The following ZFHX3 variants were observed in gnomAD, a reference collection of about 807,000 sequenced individuals.
The protein encoded by ZFHX3 is zinc finger homeobox 3, also known as zinc finger homeobox protein 3.
In ZFHX3, 42 loss-of-function variants were observed where a neutral mutation model predicts 279.1. The observed-to-expected ratio is 0.15, with a 90% confidence interval of 0.12 to 0.19. The LOEUF (loss-of-function observed/expected upper bound fraction) is 0.19, where lower values mean the gene tolerates loss of function less well. Among genes scored for constraint, ZFHX3 ranks in the 10% least tolerant of loss-of-function variants. ZFHX3 has a pLI of 1.00. For synonymous variants in ZFHX3, 2,293 were observed against 1,957.8 expected (o/e 1.17, Z -4.52); for missense variants, 4,981 against 4,754.0 (o/e 1.05, Z -1.40).
chr16:73,509,408 T>A (rs751799586), intron 2 of ZFHX3, among the ~76,000 whole-genome samples: 2 of 152,030 alleles, frequency 1.3e-5, no homozygotes, highest in African/African-American at 4.8e-5. Context: ...CTGGCCTTTT[T>A]GTATAAAAGT....
At chr16:73,439,221 G>A (rs144333033) in intron 3 of ZFHX3, among the ~76,000 whole-genome samples, 135 of 152,328 alleles carry the variant, frequency 8.9e-4, no homozygotes, top group African/African-American at 3.1e-3. Context: ...TCAGCCGGCA[G>A]AAGGGTGATG....
intron 5 of ZFHX3, among the ~76,000 whole-genome samples, chr16:73,200,941 G>A (rs1466521198): frequency 6.6e-6 from 1 of 152,130 alleles, no homozygotes; most frequent in East Asian, 1.9e-4. Flanking sequence ...TGAGATAATT[G>A]TAATGAACAT....
chr16:73,579,895 A>C (rs2143821590), intron 2 of ZFHX3, among the ~76,000 whole-genome samples: 1 of 139,198 alleles, frequency 7.2e-6, no homozygotes, highest in East Asian at 2.0e-4. Flanking sequence ...CATATAATGT[A>C]TTAATATAAT....
At chr16:72,825,505 G>T (rs2036908772) in intron 5 of ZFHX3, among the ~76,000 whole-genome samples, 1 of 152,228 alleles carries the variant, frequency 6.6e-6, no homozygotes. Flanking sequence ...TTTTGGCGAT[G>T]TGCTAGAGAT....
intron 3 of ZFHX3, among the ~76,000 whole-genome samples, chr16:73,365,358 A>G (rs949417931): frequency 1.3e-5 from 2 of 152,208 alleles, no homozygotes; most frequent in Admixed American, 1.3e-4. Context: ...TTATTCATTC[A>G]ACAAATATTT....
At chr16:73,127,035 G>A (rs761517472) in intron 7 of ZFHX3, 11 of 206,272 alleles carry the variant, frequency 5.3e-5, no homozygotes, top group African/African-American at 7.0e-5. Flanking sequence ...CATGCAGTGC[G>A]TGGATCTTGA....
rs1230501568 is a variant in ZFHX3, at chr16:73,490,381, A to T, written c.-1546-34123T>A. Among the ~76,000 whole-genome samples the T allele has an allele frequency of 2.0e-5, 3 of 152,222 alleles. No homozygotes were observed. The East Asian group carries it at 5.8e-4, about 29-fold the overall frequency. On this transcript the variant is annotated intron_variant, in intron 2 of 17. Coordinates refer to the ZFHX3 transcript ENST00000641206. ...GAAAACGTTTTAATGGCATAAAAAT[A>T]TTCTCTCATTGTTCATGCTACTAAA...
At chr16:73,323,561 A>C (rs1488292537) in intron 3 of ZFHX3, among the ~76,000 whole-genome samples, 1 of 152,238 alleles carries the variant, frequency 6.6e-6, no homozygotes, top group Non-Finnish European at 1.5e-5. Context: ...GAGAAGTTGG[A>C]CCAAGATATG....
At chr16:73,103,886 G>A (rs1224523168) in intron 7 of ZFHX3, among the ~76,000 whole-genome samples, 4 of 152,178 alleles carry the variant, frequency 2.6e-5, no homozygotes, top group East Asian at 1.9e-4. Context: ...TGGCAGATAC[G>A]GTGGGAAATA....
intron 3 of ZFHX3, among the ~76,000 whole-genome samples, chr16:72,948,974 C>T (rs77088973): frequency 0.031 from 4,672 of 152,196 alleles, 158 homozygotes; most frequent in East Asian, 0.11. Flanking sequence ...GGATTGGATG[C>T]GTGGTGTCCA....
At chr16:73,229,671 T>G (rs985976961) in intron 5 of ZFHX3, among the ~76,000 whole-genome samples, 5 of 152,318 alleles carry the variant, frequency 3.3e-5, no homozygotes, top group Non-Finnish European at 5.9e-5. Context: ...AACTCATGCT[T>G]TTATTCAGTA....
rs150238979 is a variant in ZFHX3, at chr16:73,265,649, G to A, written c.-1193-8513C>T. On this transcript the variant is annotated intron_variant, in intron 4 of 17. Transcript: ENST00000641206. ...GAGGAATGAGGAAATCTGTGTCATC[G>A]CCTGGAAATTCTGGTCCATGACCTC... 2.0e-5 allele frequency among the ~76,000 whole-genome samples: 3 copies of A among 152,214 alleles called. No individual in the cohort carries two copies. In the East Asian group the frequency reaches 5.8e-4, roughly 29 times the overall value.
intron 1 of ZFHX3, among the ~76,000 whole-genome samples, chr16:73,758,687 G>T (rs2053835115): frequency 1.3e-5 from 2 of 152,286 alleles, no homozygotes; most frequent in African/African-American, 2.4e-5. Flanking sequence ...ATTATTCAGG[G>T]TTGCTTCCTT....
chr16:73,554,182 T>A (rs2020241680), intron 2 of ZFHX3: 1 of 152,238 alleles, frequency 6.6e-6, no homozygotes, highest in Admixed American at 6.5e-5. Flanking sequence ...CAAGAAAGCA[T>A]GTCCCAGCCT....
chr16:73,667,263 T>G (rs1488963379), intron 2 of ZFHX3, among the ~76,000 whole-genome samples: 3 of 152,192 alleles, frequency 2.0e-5, no homozygotes, highest in African/African-American at 4.8e-5. Flanking sequence ...GGGCTGTGAT[T>G]ACAGGCGTGA....
intron 5 of ZFHX3, among the ~76,000 whole-genome samples, chr16:73,211,022 C>T (rs897815433): frequency 1.3e-5 from 2 of 152,090 alleles, no homozygotes; most frequent in African/African-American, 4.8e-5. Flanking sequence ...CTTTAGTTGA[C>T]TCTTGGGTCC....
chr16:73,290,148 G>A (rs2014732292), intron 4 of ZFHX3, among the ~76,000 whole-genome samples: 2 of 152,146 alleles, frequency 1.3e-5, no homozygotes, highest in Admixed American at 6.5e-5. Context: ...ATTCCCCAGT[G>A]CTAGGCACAG....
chr16:73,535,020 T>A (rs1172440252), intron 2 of ZFHX3, among the ~76,000 whole-genome samples: 1 of 151,968 alleles, frequency 6.6e-6, no homozygotes, highest in Non-Finnish European at 1.5e-5. Flanking sequence ...GGTAAATGCC[T>A]GACAACCAAC....
intron 5 of ZFHX3, among the ~76,000 whole-genome samples, chr16:73,179,312 A>G (rs1007919761): frequency 7.9e-5 from 12 of 152,298 alleles, no homozygotes; most frequent in African/African-American, 2.4e-4. Context: ...TGGGCCACCT[A>G]CAAGTAACAC....
Sources: allele counts gnomAD v4.1 joint callset (sites outside exome capture counted in the v4.1 genomes callset), GRCh38; gene constraint gnomAD v4.1.1; transcripts MANE v1.5; gene names NCBI Gene and HGNC (gene_info 2026-07-23, HGNC 2026-07-21).